CD163L1: variants seen among roughly 807,000 people sequenced by gnomAD.
The protein encoded by CD163L1 is CD163 molecule like 1, also known as scavenger receptor cysteine-rich type 1 protein M160.
In CD163L1, 124 loss-of-function variants were observed where a neutral mutation model predicts 165.4. The observed-to-expected ratio is 0.75, with a 90% confidence interval of 0.65 to 0.87. The LOEUF (loss-of-function observed/expected upper bound fraction) is 0.87. Ranked by LOEUF, CD163L1 falls within the 40% of genes least tolerant of loss-of-function variation. CD163L1 has a pLI of 0.00. For missense variants in CD163L1, 1,525 were observed against 1,799.9 expected, an observed-to-expected ratio of 0.85 and a Z score of 2.76; for synonymous variants, 585 against 662.2, an observed-to-expected ratio of 0.88 and a Z score of 1.79.
chr12:7,344,077 CT>C (rs199896218), downstream of CD163L1, among the ~76,000 whole-genome samples: 5 of 150,122 alleles, frequency 3.3e-5, no homozygotes, highest in South Asian at 2.1e-4. Flanking sequence ...ATCACTAAGC[CT>C]TTTTTTTTGT....
At chr12:7,335,659 G>T in the CD163L1 span, among the ~76,000 whole-genome samples, 1 of 152,136 alleles carries the variant, frequency 6.6e-6, no homozygotes, top group African/African-American at 2.4e-5. Flanking sequence ...TTGACAAATG[G>T]GATCTAATTA....
chr12:7,333,228 G>T, the CD163L1 span, among the ~76,000 whole-genome samples: 3 of 152,166 alleles, frequency 2.0e-5, no homozygotes, highest in Admixed American at 6.5e-5. Context: ...AAAATTGACC[G>T]CATAGTTGGA....
the CD163L1 span, chr12:7,320,781 G>A: frequency 4.3e-6 from 7 of 1,613,590 alleles, no homozygotes; most frequent in Non-Finnish European, 5.9e-6. Flanking sequence ...TGTACCGGAT[G>A]CTCGTGCAAA....
intron 18 of CD163L1, among the ~76,000 whole-genome samples, chr12:7,359,687 GAAAT>G (rs1271834593): frequency 6.6e-6 from 1 of 152,008 alleles, no homozygotes; most frequent in Non-Finnish European, 1.5e-5. Flanking sequence ...CATTAGAGAA[GAAAT>G]AAATACAGGT....
chr12:7,422,222 A>G (rs1388533290), intron 4 of CD163L1, among the ~76,000 whole-genome samples: 3 of 152,158 alleles, frequency 2.0e-5, no homozygotes, highest in Non-Finnish European at 4.4e-5. Context: ...AGAAAAACTA[A>G]CAGACAAAAA....
the CD163L1 span, among the ~76,000 whole-genome samples, chr12:7,335,887 G>T: frequency 6.6e-6 from 1 of 151,510 alleles, no homozygotes; most frequent in Admixed American, 6.6e-5. Flanking sequence ...CATTTATGCA[G>T]CCAAAAAACA....
intron 19 of CD163L1, 82 bp from the exon 20 acceptor site, chr12:7,355,212 C>A (rs992367205): frequency 2.6e-5 from 4 of 152,018 alleles, no homozygotes; most frequent in African/African-American, 9.7e-5. Context: ...AGTTAAGACA[C>A]GTGTGTGTGT....
chr12:7,392,493 C>T lies in CD163L1; in HGVS notation c.2050+3602G>A, dbSNP rs185093357. 2.1e-3 allele frequency among the ~76,000 whole-genome samples: 325 copies of T among 151,850 alleles called. 2 individuals carry two copies. The highest frequency in any genetic ancestry group is 3.7e-3 in the Admixed American group (57 of 15,250). ...AGCAGGAAAGATCTAAAATCAACAC[C>T]CTAATATCACAGTTAAAAGAACTAG... is the stretch of plus-strand genomic sequence containing the variant. On this transcript the variant is annotated intron_variant, in intron 8 of 19. Coordinates refer to ENST00000313599, the MANE Select transcript of CD163L1 (RefSeq NM_174941.6).
chr12:7,369,805 A>G lies in CD163L1; in HGVS notation c.3731-140T>C. The stretch of plus-strand genomic sequence containing the variant: ...AAGGCAGAATTTCAATGTTACATAG[A>G]TTAGACAAGAACCTGTGAAGTGAAT... On this transcript the variant is annotated intron_variant, in intron 14 of 19. Transcript: ENST00000313599. The surrounding 1 kb of genome is among the most constrained non-coding windows in gnomAD (Gnocchi z 4.9). 1.4e-6 allele frequency: 1 copy of G among 706,224 alleles called. No homozygotes were observed. Among genetic ancestry groups the G allele is most frequent in the Non-Finnish European group, 2.3e-6 (1 of 425,800 alleles). 43.7% of individuals were successfully genotyped at this position (706,224 alleles called of 1,614,324 possible).
downstream of CD163L1, among the ~76,000 whole-genome samples, chr12:7,350,868 G>T (rs1173543152): frequency 6.6e-6 from 1 of 151,930 alleles, no homozygotes; most frequent in African/African-American, 2.4e-5. Context: ...TTTCTCCTGA[G>T]CTGCAGATTA....
downstream of CD163L1, among the ~76,000 whole-genome samples, chr12:7,352,676 C>T (rs78245873): frequency 2.6e-3 from 391 of 152,148 alleles, 3 homozygotes; most frequent in African/African-American, 8.4e-3. Context: ...AGAGGGATGA[C>T]CTGTTTTAAA....
Position 7,368,925 on chromosome 12 carries a change from GACTA to G in CD163L1, c.4072+4_4072+7del, listed in dbSNP as rs1207352190. The G allele has an allele frequency of 6.2e-7, 1 of 1,613,288 alleles. No homozygotes were observed. Among genetic ancestry groups the G allele is most frequent in the Non-Finnish European group, 8.5e-7 (1 of 1,179,624 alleles). ...TTTGTGTCAGCACTGATAGGCAGAAGACTATACCTGAGGAGGCATTCAGTGATTT... is the reference window on the plus strand; with the variant it reads ...TTTGTGTCAGCACTGATAGGCAGAAGTACCTGAGGAGGCATTCAGTGATTT... On this transcript the variant is annotated splice_donor_5th_base_variant and intron_variant, in intron 16 of 19. Coordinates refer to ENST00000313599, the MANE Select transcript of CD163L1 (RefSeq NM_174941.6). The surrounding 1 kb of genome is among the most constrained non-coding windows in gnomAD (Gnocchi z 4.3).
chr12:7,376,422 CA>C (rs1947273531), intron 9 of CD163L1, among the ~76,000 whole-genome samples: 1 of 152,196 alleles, frequency 6.6e-6, no homozygotes, highest in Non-Finnish European at 1.5e-5. Flanking sequence ...TTATAAACAA[CA>C]AAAAAATACT....
At chr12:7,355,159 TTAC>T (rs1379376560) in intron 19 of CD163L1, 29 bp from the exon 20 acceptor site, 1 of 152,112 alleles carries the variant, frequency 6.6e-6, no homozygotes, top group East Asian at 1.9e-4. Context: ...AGGCAACAAG[TTAC>T]TATTCTTCTA....
chr12:7,394,326 A>C (rs1565792278), intron 8 of CD163L1, among the ~76,000 whole-genome samples: 1 of 152,192 alleles, frequency 6.6e-6, no homozygotes, highest in Non-Finnish European at 1.5e-5. Context: ...AAACCTGACA[A>C]AAACAAGAAA....
At chr12:7,365,058 T>A (rs994814253) in intron 18 of CD163L1, among the ~76,000 whole-genome samples, 21 of 151,978 alleles carry the variant, frequency 1.4e-4, no homozygotes, top group African/African-American at 5.1e-4. Flanking sequence ...ATCAGCATGG[T>A]ACTAAAACAG....
At position 7,373,780 on chromosome 12, in the gene CD163L1, G is replaced by A. The variant is rs1397560033; in HGVS notation, c.3410-140C>T. On this transcript the variant is annotated intron_variant, in intron 13 of 19. Transcript: ENST00000313599. Reference sequence around the variant, plus strand: ...CATAAATCACTCTAACATATTAACAGCATAAATCTGATGGAAACTAAGGGT... The same window carrying A: ...CATAAATCACTCTAACATATTAACAACATAAATCTGATGGAAACTAAGGGT... 7 of 668,010 alleles carry A rather than the reference G, an allele frequency of 1.0e-5. No individual in the cohort carries two copies. In the East Asian group the frequency reaches 1.5e-4, roughly 14 times the overall value. The allele number at this position is 668,010 out of a possible 1,614,324, so 41.4% of individuals were successfully genotyped here. A position where few individuals can be genotyped will look rare whatever the true frequency, so the allele number is the denominator to read the frequency against.
chr12:7,387,498 CTCCT>C (rs1947543752), intron 8 of CD163L1, among the ~76,000 whole-genome samples: 1 of 152,106 alleles, frequency 6.6e-6, no homozygotes, highest in Non-Finnish European at 1.5e-5. Flanking sequence ...CAGTGTTTGC[CTCCT>C]GGTGGTGGAT....
In CD163L1 at chr12:7,432,379, T is replaced by G; in HGVS notation, c.766+37A>C. ...TCCATACATACTGTTTCTAAACAAA[T>G]TGTTCCTTTCTTCTACATGATGTCT... On this transcript the variant is annotated intron_variant, in intron 4 of 19. Transcript: ENST00000313599. The surrounding 1 kb of genome is among the most constrained non-coding windows in gnomAD (Gnocchi z 4.2). The G allele has an allele frequency of 6.8e-7, 1 of 1,469,790 alleles. No homozygotes were observed. Among genetic ancestry groups the G allele is most frequent in the South Asian group, 1.2e-5 (1 of 80,702 alleles). 91.0% of individuals were successfully genotyped at this position (1,469,790 alleles called of 1,614,324 possible). A position where few individuals can be genotyped will look rare whatever the true frequency, so the allele number is the denominator to read the frequency against.
Sources: gnomAD v4.1 joint callset for allele counts (sites outside exome capture counted in the v4.1 genomes callset) on GRCh38, gnomAD v4.1.1 for gene constraint, Gnocchi (gnomAD v3.1) non-coding constraint, MANE v1.5 for transcripts, NCBI Gene and HGNC (gene_info 2026-07-23, HGNC 2026-07-21) for gene names.